CADPS2: variants seen among roughly 807,000 people sequenced by gnomAD.
CADPS2 encodes calcium-dependent secretion activator 2.
In CADPS2, 93 loss-of-function variants were observed where a neutral mutation model predicts 172.5. That is an observed-to-expected ratio of 0.54 (90% CI 0.46 to 0.64). CADPS2 has a LOEUF of 0.64. Ranked by LOEUF, CADPS2 falls within the 30% of genes least tolerant of loss-of-function variation. The pLI, the probability that CADPS2 is intolerant of heterozygous loss-of-function variation, is 0.00. For synonymous variants in CADPS2, 546 were observed against 555.2 expected (o/e 0.98, Z 0.23); for missense variants, 1,420 against 1,565.9 (o/e 0.91, Z 1.57).
At chr7:122,588,949 A>G (rs1403345171) in intron 6 of CADPS2, among the ~76,000 whole-genome samples, 1 of 152,008 alleles carries the variant, frequency 6.6e-6, no homozygotes, top group Non-Finnish European at 1.5e-5. Context: ...AAGCAATATC[A>G]TTTTTAACCG....
chr7:122,867,677 C>T (rs1435917832), intron 1 of CADPS2, among the ~76,000 whole-genome samples: 1 of 152,156 alleles, frequency 6.6e-6, no homozygotes, highest in African/African-American at 2.4e-5. Flanking sequence ...AGGATCAGCC[C>T]AACTTCTATA....
At chr7:122,622,297 G>A (rs2075681864) in intron 4 of CADPS2, among the ~76,000 whole-genome samples, 3 of 151,992 alleles carry the variant, frequency 2.0e-5, no homozygotes, top group African/African-American at 4.8e-5. Flanking sequence ...GATCTCTTCT[G>A]GCTATAAATT....
chr7:122,534,871 T>A (rs995017505), intron 8 of CADPS2, among the ~76,000 whole-genome samples: 2 of 152,116 alleles, frequency 1.3e-5, no homozygotes, highest in Admixed American at 1.3e-4. Context: ...TTTCTGAGTA[T>A]GTGGCAATTA....
chr7:122,319,991 C>T lies in CADPS2; in HGVS notation c.*174G>A, dbSNP rs757377909. 7 of 574,128 alleles carry T rather than the reference C, an allele frequency of 1.2e-5. No individual in the cohort carries two copies. The highest frequency in any genetic ancestry group is 1.8e-5 in the Non-Finnish European group (7 of 379,412). 35.6% of individuals were successfully genotyped at this position (574,128 alleles called of 1,614,324 possible). A position where few individuals can be genotyped will look rare whatever the true frequency, so the allele number is the denominator to read the frequency against. ...CAAACAAAAAAAGGAAACAAAAAAA[C>T]CCCAAAATCTTGGCATTTCCCCTTT... On this transcript the variant is annotated 3_prime_UTR_variant, in exon 30 of 30. Coordinates refer to ENST00000449022, the MANE Select transcript of CADPS2 (RefSeq NM_017954.11).
At chr7:122,815,408 G>C (rs1209365489) in intron 1 of CADPS2, among the ~76,000 whole-genome samples, 1 of 152,116 alleles carries the variant, frequency 6.6e-6, no homozygotes, top group Non-Finnish European at 1.5e-5. Flanking sequence ...GCCGATAACA[G>C]CTAATTTCAC....
chr7:122,672,356 T>G (rs1042025664), intron 2 of CADPS2, among the ~76,000 whole-genome samples: 4 of 152,176 alleles, frequency 2.6e-5, no homozygotes, highest in Non-Finnish European at 4.4e-5. Context: ...GGATTCTCAG[T>G]GAAATTCTGC....
At chr7:122,535,365 T>G (rs1313723331) in intron 8 of CADPS2, among the ~76,000 whole-genome samples, 2 of 152,052 alleles carry the variant, frequency 1.3e-5, no homozygotes, top group Non-Finnish European at 2.9e-5. Flanking sequence ...TTGTAAGAAC[T>G]AAATAAGAAT....
chr7:122,415,358 GAC>G, intron 18 of CADPS2, among the ~76,000 whole-genome samples: 1 of 152,060 alleles, frequency 6.6e-6, no homozygotes, highest in African/African-American at 2.4e-5. Flanking sequence ...AGCATTGTAA[GAC>G]GGGTTTGTGT....
chr7:122,380,678 C>T (rs1163193363), intron 24 of CADPS2, among the ~76,000 whole-genome samples: 2 of 152,016 alleles, frequency 1.3e-5, no homozygotes, highest in Non-Finnish European at 2.9e-5. Flanking sequence ...CTGTGTGAGT[C>T]TGAGTGTGTG....
chr7:122,461,494 A>G (rs970759251), intron 14 of CADPS2, among the ~76,000 whole-genome samples: 2 of 152,212 alleles, frequency 1.3e-5, no homozygotes, highest in Non-Finnish European at 2.9e-5. Flanking sequence ...TACAAAACAC[A>G]AAAGAACAAA....
intron 1 of CADPS2, among the ~76,000 whole-genome samples, chr7:122,773,159 T>C (rs1229400632): frequency 1.3e-5 from 2 of 152,068 alleles, no homozygotes; most frequent in African/African-American, 2.4e-5. Context: ...GTTATTTGTA[T>C]TGATTAAATG....
At chr7:122,480,427 T>C (rs569087049) in intron 12 of CADPS2, among the ~76,000 whole-genome samples, 2 of 152,098 alleles carry the variant, frequency 1.3e-5, no homozygotes, top group Non-Finnish European at 2.9e-5. Flanking sequence ...AGAAAAGATA[T>C]AGAAGAAATA....
In CADPS2 at chr7:122,407,624, C is replaced by T. The variant is rs370698529; in HGVS notation, c.2662G>A (p.Asp888Asn). The T allele has an allele frequency of 6.2e-7, 1 of 1,611,748 alleles. No individual in the cohort carries two copies. The highest frequency in any genetic ancestry group is 1.1e-5 in the South Asian group (1 of 90,426). ...KFWALFTVDM[D>N]TALEAQPQDS... ...TGCGGTTGAGCCTCTAGTGCAGTGTCCATATCCACTGTAAATAAAGCCCAA... is the reference window on the plus strand; with the variant it reads ...TGCGGTTGAGCCTCTAGTGCAGTGTTCATATCCACTGTAAATAAAGCCCAA... Residue 888 changes from aspartate (D) to asparagine (N), a missense_variant, in exon 20 of 30, where the codon GAC becomes AAC. Transcript: ENST00000449022.
In CADPS2 at chr7:122,843,434, G is replaced by C. The variant is rs150688660; in HGVS notation, c.339+42565C>G. 1.2e-3 allele frequency among the ~76,000 whole-genome samples: 184 copies of C among 152,226 alleles called. 6 individuals are homozygous for C. In the East Asian group the frequency reaches 0.026, roughly 21 times the overall value. On this transcript the variant is annotated intron_variant, in intron 1 of 29. Transcript: ENST00000449022. ...CTACTTTGACCTATGGGGTGTCACTGTCTGTCAAAAAGCTATAACCAGCTT... is the reference window on the plus strand; with the variant it reads ...CTACTTTGACCTATGGGGTGTCACTCTCTGTCAAAAAGCTATAACCAGCTT...
chr7:122,441,053 T>C (rs1378028771), intron 16 of CADPS2, among the ~76,000 whole-genome samples: 2 of 152,262 alleles, frequency 1.3e-5, no homozygotes, highest in South Asian at 2.1e-4. Flanking sequence ...ACTGGAATAA[T>C]TGAAAGAAAT....
chr7:122,732,739 T>A (rs1180305267), intron 2 of CADPS2, among the ~76,000 whole-genome samples: 3 of 144,086 alleles, frequency 2.1e-5, no homozygotes, highest in East Asian at 2.0e-4. Context: ...CATTATATAT[T>A]ATATATAATC....
rs976316634 is a variant in CADPS2, at chr7:122,451,568, G to T, written c.2187-93C>A. ...TGTATATTTAAAAATCCAAGGAAAA[G>T]TTCACTGTATACATATTAATTGTGT... On this transcript the variant is annotated intron_variant, in intron 14 of 29. Transcript: ENST00000449022. 26 of 663,324 alleles carry T rather than the reference G, an allele frequency of 3.9e-5. 1 individual carries two copies. The highest frequency in any genetic ancestry group is 5.3e-5 in the Non-Finnish European group (22 of 413,340). The allele number at this position is 663,324 out of a possible 1,614,324, so 41.1% of individuals were successfully genotyped here.
At chr7:122,691,789 G>A (rs900120213) in intron 2 of CADPS2, among the ~76,000 whole-genome samples, 9 of 152,142 alleles carry the variant, frequency 5.9e-5, no homozygotes, top group Non-Finnish European at 1.2e-4. Flanking sequence ...CAGCAAGTCC[G>A]TGACAGACAG....
At chr7:122,769,661 A>C (rs953728569) in intron 1 of CADPS2, among the ~76,000 whole-genome samples, 4 of 152,194 alleles carry the variant, frequency 2.6e-5, no homozygotes, top group Admixed American at 2.6e-4. Context: ...AAAATGTCCT[A>C]ATTATAAATT....
Sources: allele counts gnomAD v4.1 joint callset (sites outside exome capture counted in the v4.1 genomes callset), GRCh38; gene constraint gnomAD v4.1.1; transcripts MANE v1.5; gene names NCBI Gene and HGNC (gene_info 2026-07-23, HGNC 2026-07-21).